CCDC81: variants seen among roughly 807,000 people sequenced by gnomAD.
CCDC81 encodes coiled-coil domain-containing protein 81.
Under a neutral mutation model 83.7 loss-of-function variants are expected in CCDC81, and 79 were observed. That is an observed-to-expected ratio of 0.94 (90% CI 0.79 to 1.14). The LOEUF (loss-of-function observed/expected upper bound fraction) is 1.14. Among genes scored for constraint, CCDC81 ranks in the 50% most tolerant of loss-of-function variants. CCDC81 has a pLI of 0.00. For synonymous variants in CCDC81, 252 were observed against 278.1 expected (o/e 0.91, Z 0.93); for missense variants, 791 against 778.1 (o/e 1.02, Z -0.20).
intron 6 of CCDC81, among the ~76,000 whole-genome samples, chr11:86,398,736 C>G (rs996041387): frequency 6.6e-6 from 1 of 152,006 alleles, no homozygotes; most frequent in South Asian, 2.1e-4. Flanking sequence ...CCACGCCCAG[C>G]TAATTTTTGT....
chr11:86,395,356 T>A lies in CCDC81; in HGVS notation c.578T>A (p.Val193Glu), dbSNP rs1213023537. 3 of 1,613,942 alleles carry A rather than the reference T, an allele frequency of 1.9e-6. No homozygotes were observed. In the African/African-American group the frequency reaches 4.0e-5, roughly 22 times the overall value. ...TAGAGGCCTGGCACTGTGGACTCGG[T>A]GTTGTCTAGCAGAGAGGCCTTGAGG... The part of the protein sequence containing the change: ...LANRPGTVDS[V>E]LSSREALRKW... The change falls in exon 5 of 15, where the codon GTG (valine) becomes GAG (glutamate). Residue 193 changes from valine to glutamate, a missense_variant. Val to Glu is a moderately radical substitution (Grantham distance 121, BLOSUM62 -2). Transcript: ENST00000445632.
At chr11:86,410,331 G>A (rs1303715791) in intron 10 of CCDC81, among the ~76,000 whole-genome samples, 1 of 152,148 alleles carries the variant, frequency 6.6e-6, no homozygotes, top group East Asian at 1.9e-4. Flanking sequence ...CTGGTGTCTA[G>A]GAATACAAGG....
chr11:86,390,061 C>T (rs781124585), intron 3 of CCDC81, among the ~76,000 whole-genome samples: 2 of 152,088 alleles, frequency 1.3e-5, no homozygotes, highest in East Asian at 1.9e-4. Context: ...GCTGAGATTG[C>T]GCCACTGCAC....
chr11:86,408,415 C>A, intron 9 of CCDC81, 145 bp downstream of exon 9: 1 of 665,490 alleles, frequency 1.5e-6, no homozygotes, highest in Admixed American at 3.6e-5. Flanking sequence ...TCACTGCAGC[C>A]TTGACCTACT....
chr11:86,422,623 T>C lies in CCDC81; in HGVS notation c.1867T>C (p.Cys623Arg). Reference protein sequence around the residue: ...LLDQCEKYRRCKQCQRRTSNV... With the variant: ...LLDQCEKYRRRKQCQRRTSNV... Reference sequence around the variant, plus strand: ...AGACCAGTGTGAGAAGTATCGGCGCTGCAAGCAATGCCAGAGGCGCACCTC... The same window carrying C: ...AGACCAGTGTGAGAAGTATCGGCGCCGCAAGCAATGCCAGAGGCGCACCTC... The change falls in exon 15 of 15, where the codon TGC becomes CGC. Residue 623 changes from cysteine to arginine, a missense_variant. Cys to Arg is a radical substitution (Grantham distance 180). Coordinates refer to ENST00000445632, the MANE Select transcript of CCDC81 (RefSeq NM_001156474.2). 1 of 1,614,026 alleles carries C rather than the reference T, an allele frequency of 6.2e-7. No homozygotes were observed. The highest frequency in any genetic ancestry group is 2.2e-5 in the East Asian group (1 of 44,882).
At chr11:86,421,888 G>A (rs1220552090) in intron 14 of CCDC81, among the ~76,000 whole-genome samples, 1 of 149,168 alleles carries the variant, frequency 6.7e-6, no homozygotes, top group East Asian at 2.0e-4. Flanking sequence ...CTCCAGGCTG[G>A]TGACAGAGGG....
At chr11:86,383,469 C>T (rs578014893) in intron 1 of CCDC81, among the ~76,000 whole-genome samples, 2 of 152,184 alleles carry the variant, frequency 1.3e-5, no homozygotes, top group South Asian at 4.2e-4. Flanking sequence ...ATACAGTATC[C>T]TGTTACTTGG....
chr11:86,403,624 T>C (rs1168450207), intron 7 of CCDC81, among the ~76,000 whole-genome samples: 1 of 152,180 alleles, frequency 6.6e-6, no homozygotes, highest in African/African-American at 2.4e-5. Flanking sequence ...TTCCAACAAA[T>C]GACCCTAAGG....
intron 11 of CCDC81, among the ~76,000 whole-genome samples, chr11:86,413,405 C>T (rs1367286229): frequency 2.0e-5 from 3 of 152,132 alleles, no homozygotes; most frequent in Non-Finnish European, 2.9e-5. Flanking sequence ...CATCTAGGTC[C>T]GTGGGCACAG....
intron 10 of CCDC81, among the ~76,000 whole-genome samples, chr11:86,411,961 T>A (rs1278741967): frequency 6.6e-6 from 1 of 152,188 alleles, no homozygotes; most frequent in Non-Finnish European, 1.5e-5. Flanking sequence ...TTGACCATGA[T>A]TGCTTCCTTA....
At position 86,395,371 on chromosome 11, in the gene CCDC81, A is replaced by C. The variant is rs73517949; in HGVS notation, c.593A>C (p.Glu198Ala). Residue 198 changes from glutamate to alanine, a missense_variant, in exon 5 of 15, where the codon GAG (glutamate) becomes GCG (alanine). Physicochemically the swap from Glu to Ala is moderately radical, Grantham distance 107. Transcript: ENST00000445632. ...GTGGACTCGGTGTTGTCTAGCAGAG[A>C]GGCCTTGAGGAAGTGGCCCAGCAGT... ...GTVDSVLSSR[E>A]ALRKWPSSVL... The C allele has an allele frequency of 9.2e-4, 1,484 of 1,614,078 alleles. 10 individuals carry two copies. In the African/African-American group the frequency reaches 0.018, roughly 20 times the overall value.
intron 1 of CCDC81, among the ~76,000 whole-genome samples, chr11:86,383,943 C>T (rs773442391): frequency 4.7e-4 from 72 of 152,182 alleles, no homozygotes; most frequent in Non-Finnish European, 7.5e-4. Context: ...TAAAACAGTA[C>T]AGTGGGCTTG....
chr11:86,375,970 A>C (rs969044538), intron 1 of CCDC81, among the ~76,000 whole-genome samples: 11 of 152,244 alleles, frequency 7.2e-5, no homozygotes, highest in African/African-American at 2.4e-4. Context: ...CTTCCCCTGC[A>C]TCACTCCTAT....
intron 13 of CCDC81, chr11:86,419,511 A>G (rs893000605): frequency 3.3e-5 from 5 of 152,934 alleles, no homozygotes; most frequent in Non-Finnish European, 1.5e-5. Context: ...TTGTATACCT[A>G]TCTATTTTGC....
chr11:86,406,651 A>G (rs1948570323), intron 7 of CCDC81, among the ~76,000 whole-genome samples: 1 of 152,104 alleles, frequency 6.6e-6, no homozygotes, highest in African/African-American at 2.4e-5. Flanking sequence ...CTAAAAATAC[A>G]AAAATTAGCC....
intron 7 of CCDC81, among the ~76,000 whole-genome samples, chr11:86,401,263 G>A (rs1273622185): frequency 2.6e-5 from 4 of 152,016 alleles, no homozygotes; most frequent in Admixed American, 6.6e-5. Flanking sequence ...TATCATGGTC[G>A]TTTTCTTCTT....
At chr11:86,404,239 A>G (rs1382551906) in intron 7 of CCDC81, among the ~76,000 whole-genome samples, 1 of 152,198 alleles carries the variant, frequency 6.6e-6, no homozygotes, top group Non-Finnish European at 1.5e-5. Context: ...TTATTAAAAA[A>G]TAAAGTGTTC....
rs1206237221 is a variant in CCDC81, at chr11:86,375,026, G to A, written c.-138G>A. 1.3e-6 allele frequency: 1 copy of A among 770,668 alleles called. No homozygotes were observed. The highest frequency in any genetic ancestry group is 1.4e-5 in the South Asian group (1 of 71,076). 47.7% of individuals were successfully genotyped at this position (770,668 alleles called of 1,614,324 possible). ...AAGAGTCAAGAAGTTCAAGATTTTCGTCACTCTTATTTTTAAGGCACATCC... is the reference window on the plus strand; with the variant it reads ...AAGAGTCAAGAAGTTCAAGATTTTCATCACTCTTATTTTTAAGGCACATCC... On this transcript the variant is annotated 5_prime_UTR_variant, in exon 1 of 15. Coordinates refer to ENST00000445632, the MANE Select transcript of CCDC81 (RefSeq NM_001156474.2).
Position 86,395,369 on chromosome 11 carries a change from A to G in CCDC81, c.591A>G (p.Arg197=), listed in dbSNP as rs771813240. 9 of 1,614,098 alleles carry G rather than the reference A, an allele frequency of 5.6e-6. No homozygotes were observed. The South Asian group carries it at 8.8e-5, about 16-fold the overall frequency. The change falls in exon 5 of 15, where the codon AGA becomes AGG. Residue 197 remains arginine, a synonymous_variant. Coordinates refer to ENST00000445632, the MANE Select transcript of CCDC81 (RefSeq NM_001156474.2). The part of the protein sequence containing the change: ...PGTVDSVLSS[R]EALRKWPSSV... ...CTGTGGACTCGGTGTTGTCTAGCAGAGAGGCCTTGAGGAAGTGGCCCAGCA... is the reference window on the plus strand; with the variant it reads ...CTGTGGACTCGGTGTTGTCTAGCAGGGAGGCCTTGAGGAAGTGGCCCAGCA...
Sources: gnomAD v4.1 joint callset for allele counts (sites outside exome capture counted in the v4.1 genomes callset) on GRCh38, gnomAD v4.1.1 for gene constraint, MANE v1.5 for transcripts, NCBI Gene and HGNC (gene_info 2026-07-23, HGNC 2026-07-21) for gene names.